CCDC93: variants seen among roughly 807,000 people sequenced by gnomAD.
CCDC93 encodes the protein CCC complex scaffolding subunit CCDC93.
A neutral mutation model predicts 108.2 loss-of-function variants in CCDC93; 61 were observed. The observed-to-expected ratio is 0.56, with a 90% confidence interval of 0.46 to 0.70. The LOEUF is 0.70. CCDC93 is among the 30% of genes least tolerant of loss of function. The pLI is 0.00. For synonymous variants in CCDC93, 276 were observed against 260.4 expected (o/e 1.06, Z -0.58); for missense variants, 685 against 764.2 (o/e 0.90, Z 1.22).
chr2:117,949,619 A>G (rs565891451), intron 13 of CCDC93: 1 of 326,196 alleles, frequency 3.1e-6, no homozygotes, highest in South Asian at 1.2e-4. Context: ...TCTACTGTTC[A>G]GTGAAGAAAA....
intron 22 of CCDC93, among the ~76,000 whole-genome samples, chr2:117,933,680 C>A (rs1312411539): frequency 6.6e-6 from 1 of 151,982 alleles, no homozygotes; most frequent in African/African-American, 2.4e-5. Context: ...GAGCAGGACC[C>A]ATTAAGGCAC....
chr2:117,924,964 C>T (rs1250263141), intron 23 of CCDC93, among the ~76,000 whole-genome samples: 1 of 152,110 alleles, frequency 6.6e-6, no homozygotes. Flanking sequence ...AGAGTGGGGG[C>T]CAATATTCAA....
intron 5 of CCDC93, among the ~76,000 whole-genome samples, chr2:117,995,954 A>ATAT (rs746132603): frequency 2.0e-3 from 309 of 151,724 alleles, no homozygotes; most frequent in East Asian, 6.2e-3. Flanking sequence ...GTTTTTAATT[A>ATAT]TATTATTATT....
intron 1 of CCDC93, 65 bp from the exon 2 acceptor site, chr2:118,008,723 C>T (rs901404661): frequency 7.2e-5 from 68 of 944,332 alleles, no homozygotes; most frequent in Non-Finnish European, 9.8e-5. Flanking sequence ...CCAGGTATAT[C>T]CCCTGATGCC....
chr2:117,993,525 G>T (rs1488699233), intron 6 of CCDC93, among the ~76,000 whole-genome samples: 1 of 151,280 alleles, frequency 6.6e-6, no homozygotes, highest in Non-Finnish European at 1.5e-5. Flanking sequence ...AAATAGTACA[G>T]AGATTATAGG....
At chr2:117,938,001 A>T (rs912846044) in intron 20 of CCDC93, among the ~76,000 whole-genome samples, 1 of 152,240 alleles carries the variant, frequency 6.6e-6, no homozygotes, top group Non-Finnish European at 1.5e-5. Context: ...CATTTGTAAT[A>T]TTATCCTTAT....
At chr2:117,985,348 GC>G (rs778195278) in intron 7 of CCDC93, 16 of 416,704 alleles carry the variant, frequency 3.8e-5, no homozygotes, top group Non-Finnish European at 5.2e-5. Flanking sequence ...GCACACAGGA[GC>G]CTCTCCCAAC....
chr2:117,941,212 C>T lies in CCDC93; in HGVS notation c.1499G>A (p.Arg500Lys), dbSNP rs767245569. ...ACTCTGGCGGTAGAGTTCAATAAATCTCTTCTGATACTGTATTAGCTCGGC... is the reference window on the plus strand; with the variant it reads ...ACTCTGGCGGTAGAGTTCAATAAATTTCTTCTGATACTGTATTAGCTCGGC... ...SRAELIQYQK[R>K]FIELYRQISA... Residue 500 changes from arginine to lysine, a missense_variant, in exon 19 of 24, where the codon AGA becomes AAA. By Grantham distance (26) the Arg-to-Lys change is conservative (BLOSUM62 2). Coordinates refer to ENST00000376300, the MANE Select transcript of CCDC93 (RefSeq NM_019044.5). The T allele has an allele frequency of 4.3e-6, 7 of 1,613,404 alleles. No homozygotes were observed. The African/African-American group carries it at 9.3e-5, about 22-fold the overall frequency.
Position 117,977,459 on chromosome 2 carries a change from A to G in CCDC93, c.657+535T>C, listed in dbSNP as rs1032968635. 1.4e-4 allele frequency among the ~76,000 whole-genome samples: 22 copies of G among 152,372 alleles called. 1 individual carries two copies. The highest frequency in any genetic ancestry group is 3.4e-3 in the Middle Eastern group (1 of 294). ...TGGAACACAGAAAGAGTTTAGCACC[A>G]TAACATTTATGTACCTGTCCTGCTG... On this transcript the variant is annotated intron_variant, in intron 8 of 23. Coordinates refer to ENST00000376300, the MANE Select transcript of CCDC93 (RefSeq NM_019044.5).
chr2:117,978,406 C>T (rs535513136), intron 7 of CCDC93, among the ~76,000 whole-genome samples: 7 of 152,252 alleles, frequency 4.6e-5, no homozygotes, highest in East Asian at 3.9e-4. Flanking sequence ...GCCAAATATG[C>T]GCTTTAATGG....
intron 5 of CCDC93, 87 bp from the exon 6 acceptor site, chr2:117,995,589 T>G: frequency 9.8e-7 from 1 of 1,018,956 alleles, no homozygotes; most frequent in Non-Finnish European, 1.5e-6. Flanking sequence ...ATAAATTGAC[T>G]TCTCATCTCA....
chr2:117,963,308 TTAAATC>T (rs1435203980), intron 11 of CCDC93, among the ~76,000 whole-genome samples: 1 of 152,092 alleles, frequency 6.6e-6, no homozygotes, highest in Admixed American at 6.6e-5. Flanking sequence ...AAGCAACAGA[TTAAATC>T]TAATCACTCT....
At chr2:118,002,060 A>G (rs1485165783) in intron 3 of CCDC93, among the ~76,000 whole-genome samples, 2 of 152,120 alleles carry the variant, frequency 1.3e-5, no homozygotes, top group Non-Finnish European at 2.9e-5. Context: ...ATTGCCACAC[A>G]AGACCCTTTA....
In CCDC93 at chr2:117,988,880, G is replaced by C. The variant is rs187736692; in HGVS notation, c.520-2811C>G. Among the ~76,000 whole-genome samples, 477 of 152,272 alleles carry C rather than the reference G, an allele frequency of 3.1e-3. 5 individuals carry two copies. The highest frequency in any genetic ancestry group is 0.011 in the African/African-American group (456 of 41,546). On this transcript the variant is annotated intron_variant, in intron 6 of 23. Transcript: ENST00000376300. Reference sequence around the variant, plus strand: ...CTTTTACATGAGCTCTGCTATGTAAGTATACATCTTCTGCTCTTTGAAGTA... The same window carrying C: ...CTTTTACATGAGCTCTGCTATGTAACTATACATCTTCTGCTCTTTGAAGTA...
intron 14 of CCDC93, 139 bp from the exon 15 acceptor site, chr2:117,948,325 G>A: frequency 1.6e-6 from 1 of 608,098 alleles, no homozygotes; most frequent in Non-Finnish European, 2.9e-6. Flanking sequence ...CACAGATTCT[G>A]CACAAATGAT....
At chr2:117,974,946 G>A in intron 9 of CCDC93, 46 bp from the exon 10 acceptor site, 1 of 1,493,858 alleles carries the variant, frequency 6.7e-7, no homozygotes, top group Non-Finnish European at 9.2e-7. Flanking sequence ...TTCTGAACAT[G>A]TAAGACAGAA....
At chr2:117,936,608 C>T in intron 21 of CCDC93, 94 bp downstream of exon 21, 1 of 989,456 alleles carries the variant, frequency 1.0e-6, no homozygotes, top group Admixed American at 1.7e-5. Context: ...CTTGCATGTA[C>T]CTTTGTCAAG....
At chr2:117,939,147 C>T (rs746052620) in intron 19 of CCDC93, 36 bp from the exon 20 acceptor site, 3 of 1,360,112 alleles carry the variant, frequency 2.2e-6, no homozygotes, top group East Asian at 2.3e-5. Flanking sequence ...CGAATAAGAA[C>T]AGGTATCAGA....
intron 6 of CCDC93, 44 bp from the exon 7 acceptor site, chr2:117,986,113 T>G (rs1680310746): frequency 3.5e-6 from 4 of 1,146,114 alleles, no homozygotes; most frequent in Non-Finnish European, 5.2e-6. Flanking sequence ...GAGAAGGCTC[T>G]CCTCCTGAAT....
Sources: allele counts gnomAD v4.1 joint callset (sites outside exome capture counted in the v4.1 genomes callset), GRCh38; gene constraint gnomAD v4.1.1; transcripts MANE v1.5; gene names NCBI Gene and HGNC (gene_info 2026-07-23, HGNC 2026-07-21).